AXIN1: variants seen among roughly 807,000 people sequenced by gnomAD.
The protein encoded by AXIN1 is axin-1.
Under a neutral mutation model 76.4 loss-of-function variants are expected in AXIN1, and 30 were observed. The observed-to-expected ratio is 0.39, with a 90% CI of 0.29 to 0.53. AXIN1 has a LOEUF of 0.53. Ranked by LOEUF, AXIN1 falls within the 20% of genes least tolerant of loss-of-function variation. The pLI is 0.66. For missense variants in AXIN1, 1,140 were observed against 1,198.8 expected, an observed-to-expected ratio of 0.95 and a Z score of 0.72; for synonymous variants, 545 against 501.4, an observed-to-expected ratio of 1.09 and a Z score of -1.16.
At chr16:330,034 G>A (rs569413371) in intron 2 of AXIN1, among the ~76,000 whole-genome samples, 14 of 151,684 alleles carry the variant, frequency 9.2e-5, no homozygotes, top group African/African-American at 2.9e-4. Context: ...CCAAAGTACT[G>A]GGATTACAGG....
At chr16:320,394 A>G (rs560199332) in intron 2 of AXIN1, among the ~76,000 whole-genome samples, 2 of 152,168 alleles carry the variant, frequency 1.3e-5, no homozygotes, top group African/African-American at 4.8e-5. Flanking sequence ...TAAATGCTTT[A>G]AAAGGATTCC....
intron 5 of AXIN1, among the ~76,000 whole-genome samples, chr16:301,498 G>A (rs1453928766): frequency 6.6e-6 from 1 of 151,918 alleles, no homozygotes; most frequent in Non-Finnish European, 1.5e-5. Flanking sequence ...CCTTTAACAT[G>A]TCTTGCTTAA....
At chr16:296,090 ACC>A (rs370577338) in intron 7 of AXIN1, among the ~76,000 whole-genome samples, 1 of 151,718 alleles carries the variant, frequency 6.6e-6, no homozygotes, top group Admixed American at 6.6e-5. Context: ...ACACACTGAG[ACC>A]CCCTCTACAA....
At chr16:314,982 G>A (rs2053267979) in intron 2 of AXIN1, among the ~76,000 whole-genome samples, 1 of 152,218 alleles carries the variant, frequency 6.6e-6, no homozygotes, top group Non-Finnish European at 1.5e-5. Context: ...TGTTTTCCGT[G>A]CACGGTACTA....
At chr16:348,025 C>G (rs538859920) in intron 1 of AXIN1, among the ~76,000 whole-genome samples, 1 of 152,294 alleles carries the variant, frequency 6.6e-6, no homozygotes, top group South Asian at 2.1e-4. Context: ...AGCTGAAAAC[C>G]AAACCACCCA....
At chr16:312,429 G>C (rs575597629) in intron 3 of AXIN1, among the ~76,000 whole-genome samples, 3 of 152,174 alleles carry the variant, frequency 2.0e-5, no homozygotes, top group Non-Finnish European at 2.9e-5. Flanking sequence ...CCTTTTCTTG[G>C]AGAGAATTAG....
chr16:347,228 A>C, intron 1 of AXIN1, 122 bp from the exon 2 acceptor site: 9 of 867,616 alleles, frequency 1.0e-5, no homozygotes, highest in Non-Finnish European at 1.6e-5. Context: ...CAAGAAACTC[A>C]GTTTAAATGT....
intron 2 of AXIN1, among the ~76,000 whole-genome samples, chr16:331,667 T>C (rs888571579): frequency 2.0e-5 from 3 of 152,224 alleles, no homozygotes; most frequent in Non-Finnish European, 4.4e-5. Flanking sequence ...CTGCCTGGAC[T>C]GCTTTTATTT....
At chr16:313,446 G>T (rs2053227868) in intron 3 of AXIN1, among the ~76,000 whole-genome samples, 1 of 152,260 alleles carries the variant, frequency 6.6e-6, no homozygotes, top group African/African-American at 2.4e-5. Flanking sequence ...TCCTCATGGA[G>T]AACCCAGCTA....
chr16:336,114 A>C (rs1330175598), intron 2 of AXIN1, among the ~76,000 whole-genome samples: 1 of 152,232 alleles, frequency 6.6e-6, no homozygotes, highest in African/African-American at 2.4e-5. Context: ...GCACGCCTGT[A>C]ATCCCAGCTA....
chr16:296,326 T>C (rs1019974560), intron 7 of AXIN1, among the ~76,000 whole-genome samples: 2 of 151,964 alleles, frequency 1.3e-5, no homozygotes, highest in African/African-American at 4.8e-5. Context: ...TGGGTGAGGG[T>C]GGGGGGCAGA....
Position 289,611 on chromosome 16 carries a change from G to A in AXIN1, c.2295-4C>T, listed in dbSNP as rs1036562081. ...CACCTTCCTCTGCGATCTTGTCCTGGGGAAAGAGATGCAGCGGTGGTACCT... is the reference window on the plus strand; with the variant it reads ...CACCTTCCTCTGCGATCTTGTCCTGAGGAAAGAGATGCAGCGGTGGTACCT... On this transcript the variant is annotated splice_region_variant and splice_polypyrimidine_tract_variant and intron_variant, in intron 9 of 10. Transcript: ENST00000262320. The A allele has an allele frequency of 6.2e-6, 10 of 1,612,546 alleles. No individual in the cohort carries two copies. Among genetic ancestry groups the A allele is most frequent in the Admixed American group, 5.0e-5 (3 of 59,988 alleles).
chr16:293,494 T>C lies in AXIN1; in HGVS notation c.2180A>G (p.Lys727Arg), dbSNP rs2141484708. 2 of 1,609,212 alleles carry C rather than the reference T, an allele frequency of 1.2e-6. No homozygotes were observed. The highest frequency in any genetic ancestry group is 2.2e-5 in the East Asian group (1 of 44,858). ...EEKRASRAPS[K>R]QRYVQEVMRR... ...CCCCACGACGCGGCCGTACCTCTGC[T>C]TGGAGGGTGCTCGGCTGGCTCTCTT... The change falls in exon 8 of 11, where the codon AAG becomes AGG. Residue 727 changes from lysine to arginine, a missense_variant. Around this residue, in one of 3 missense-constraint regions of AXIN1, gnomAD observed 429 missense variants for 405.8 expected, o/e 1.06. Transcript: ENST00000262320. This position sits in a 1 kb window ranked among gnomAD's most constrained non-coding sequence, Gnocchi z 4.6.
chr16:343,130 C>G (rs2053962739), intron 2 of AXIN1, among the ~76,000 whole-genome samples: 1 of 152,216 alleles, frequency 6.6e-6, no homozygotes, highest in South Asian at 2.1e-4. Context: ...CCAGGGTCCT[C>G]TGCCACCAGC....
chr16:333,573 C>A (rs574032262), intron 2 of AXIN1, among the ~76,000 whole-genome samples: 3 of 151,928 alleles, frequency 2.0e-5, no homozygotes, highest in Admixed American at 6.5e-5. Flanking sequence ...AGAAAACATC[C>A]AAAAAATGTC....
chr16:324,201 C>CG (rs1410391192), intron 2 of AXIN1, among the ~76,000 whole-genome samples: 1 of 152,210 alleles, frequency 6.6e-6, no homozygotes, highest in Non-Finnish European at 1.5e-5. Context: ...CGGGTCTTTA[C>CG]GGGTCTTCCG....
intron 8 of AXIN1, chr16:292,522 A>G (rs982102717): frequency 6.6e-6 from 1 of 152,196 alleles, no homozygotes; most frequent in Non-Finnish European, 1.5e-5. Flanking sequence ...GCACAGCCCC[A>G]AAGCTGGAGG....
chr16:341,564 G>A (rs1277795094), intron 2 of AXIN1, among the ~76,000 whole-genome samples: 1 of 152,258 alleles, frequency 6.6e-6, no homozygotes, highest in Non-Finnish European at 1.5e-5. Flanking sequence ...GTGGGCTCCT[G>A]TGCGGACCGA....
At position 323,776 on chromosome 16, in the gene AXIN1, C is replaced by CCACACACACACA. The variant is rs10673343; in HGVS notation, c.879-9105_879-9094dup. On this transcript the variant is annotated intron_variant, in intron 2 of 10. Coordinates refer to ENST00000262320, the MANE Select transcript of AXIN1 (RefSeq NM_003502.4). ...GCCTGGGCAACAGAGTGAGACTCCA[C>CCACACACACACA]CACACACACACACACACACACACAC... is the stretch of plus-strand genomic sequence containing the variant. Among the ~76,000 whole-genome samples, 577 of 148,378 alleles carry CCACACACACACA rather than the reference C, an allele frequency of 3.9e-3. 4 individuals carry two copies. Among genetic ancestry groups the CCACACACACACA allele is most frequent in the African/African-American group, 0.013 (529 of 40,232 alleles).
Sources: allele counts gnomAD v4.1 joint callset (sites outside exome capture counted in the v4.1 genomes callset), GRCh38; gene constraint gnomAD v4.1.1; regional missense constraint gnomAD v4.1.1; non-coding constraint Gnocchi (gnomAD v3.1); transcripts MANE v1.5; gene names NCBI Gene and HGNC (gene_info 2026-07-23, HGNC 2026-07-21).